RNASEH2B: variants seen among roughly 807,000 people sequenced by gnomAD.
The protein encoded by RNASEH2B is ribonuclease H2 subunit B, also known as Aicardi-Goutieres syndrome 2 protein.
Under a neutral mutation model 45.0 loss-of-function variants are expected in RNASEH2B, and 36 were observed. The observed-to-expected ratio is 0.80, with a 90% confidence interval of 0.61 to 1.06. The LOEUF is 1.06. Ranked by LOEUF, RNASEH2B falls within the 50% of genes least tolerant of loss-of-function variation. The pLI is 0.00. For synonymous variants in RNASEH2B, 119 were observed against 125.7 expected (o/e 0.95, Z 0.35); for missense variants, 361 against 360.3 (o/e 1.00, Z -0.02).
downstream of RNASEH2B, among the ~76,000 whole-genome samples, chr13:50,958,782 G>A (rs1952081223): frequency 6.6e-6 from 1 of 152,012 alleles, no homozygotes; most frequent in African/African-American, 2.4e-5. Context: ...TGGACATTTG[G>A]ATTATTCACA....
intron 1 of RNASEH2B, chr13:50,912,686 C>G (rs1879494391): frequency 6.6e-6 from 1 of 152,166 alleles, no homozygotes; most frequent in African/African-American, 2.4e-5. Flanking sequence ...AAGCTGGGCC[C>G]TTAATAAAGA....
At chr13:50,946,550 G>A (rs1428277420) in intron 7 of RNASEH2B, among the ~76,000 whole-genome samples, 1 of 152,170 alleles carries the variant, frequency 6.6e-6, no homozygotes. Flanking sequence ...TGGATAGATA[G>A]GTGGGTGGAT....
chr13:50,910,268 G>C (rs920686105), intron 1 of RNASEH2B, 128 bp downstream of exon 1: 38 of 578,278 alleles, frequency 6.6e-5, no homozygotes, highest in Non-Finnish European at 1.0e-4. Flanking sequence ...GATTCTCTCT[G>C]GGACAGCTGG....
intron 1 of RNASEH2B, among the ~76,000 whole-genome samples, chr13:50,918,860 A>C (rs1951481938): frequency 6.6e-6 from 1 of 152,212 alleles, no homozygotes; most frequent in Non-Finnish European, 1.5e-5. Flanking sequence ...GAACCTATTT[A>C]GGACATCGTA....
intron 5 of RNASEH2B, chr13:50,941,265 A>T (rs1212769198): frequency 6.6e-6 from 1 of 152,196 alleles, no homozygotes; most frequent in African/African-American, 2.4e-5. Context: ...GTGAGAAAAA[A>T]ACCTCTCTTT....
chr13:50,929,986 C>T, intron 3 of RNASEH2B: 1 of 267,148 alleles, frequency 3.7e-6, no homozygotes, highest in Non-Finnish European at 7.3e-6. Flanking sequence ...AACAAAGTTT[C>T]TTTAAAATGC....
intron 2 of RNASEH2B, among the ~76,000 whole-genome samples, chr13:50,928,932 CTTTTTTTTTTTT>C (rs35147830): frequency 1.1e-5 from 1 of 87,878 alleles, no homozygotes; most frequent in Non-Finnish European, 2.2e-5. Context: ...TGCCTCCTCC[CTTTTTTTTTTTT>C]TTTTTTTTTT....
At chr13:50,928,746 A>G (rs757078850) in intron 2 of RNASEH2B, among the ~76,000 whole-genome samples, 14 of 152,174 alleles carry the variant, frequency 9.2e-5, no homozygotes, top group Non-Finnish European at 1.8e-4. Context: ...AGATGTGGAA[A>G]CAGCCACAGG....
chr13:50,958,214 A>G (rs1344814517), downstream of RNASEH2B, among the ~76,000 whole-genome samples: 1 of 152,178 alleles, frequency 6.6e-6, no homozygotes, highest in African/African-American at 2.4e-5. Context: ...TAGGATTTTT[A>G]TAGCTTGAGG....
At chr13:50,949,405 TTC>T (rs1951947360) in intron 8 of RNASEH2B, 56 bp from the exon 9 acceptor site, 6 of 1,533,578 alleles carry the variant, frequency 3.9e-6, no homozygotes, top group Middle Eastern at 1.7e-4. Flanking sequence ...GGCCCTGTCT[TTC>T]TGTTTGTTTG....
intron 7 of RNASEH2B, 40 bp from the exon 8 acceptor site, chr13:50,947,945 ATT>A (rs752082343): frequency 2.2e-4 from 275 of 1,259,256 alleles, no homozygotes; most frequent in Middle Eastern, 6.5e-4. Flanking sequence ...CATAATTACT[ATT>A]TTTTTTTTTT....
intron 9 of RNASEH2B, chr13:50,950,617 C>A (rs1216346491): frequency 6.6e-6 from 1 of 152,156 alleles, no homozygotes; most frequent in African/African-American, 2.4e-5. Context: ...AGTTGTCTTG[C>A]TGAAACTAAG....
chr13:50,914,525 G>A (rs1018828248), intron 1 of RNASEH2B, among the ~76,000 whole-genome samples: 2 of 152,186 alleles, frequency 1.3e-5, no homozygotes, highest in South Asian at 2.1e-4. Context: ...AGCATAGAGC[G>A]TGTTTAACAT....
chr13:50,925,570 T>C (rs533902593), intron 1 of RNASEH2B, among the ~76,000 whole-genome samples: 1 of 152,322 alleles, frequency 6.6e-6, no homozygotes, highest in African/African-American at 2.4e-5. Context: ...GGCTGACTCT[T>C]CCCTACTACT....
intron 1 of RNASEH2B, among the ~76,000 whole-genome samples, chr13:50,920,598 T>G (rs918637068): frequency 1.3e-5 from 2 of 152,224 alleles, no homozygotes; most frequent in African/African-American, 4.8e-5. Context: ...GAAAATACTT[T>G]TTTAGCCAGC....
intron 5 of RNASEH2B, chr13:50,937,251 T>C (rs914421291): frequency 1.3e-5 from 2 of 152,224 alleles, no homozygotes; most frequent in Non-Finnish European, 2.9e-5. Flanking sequence ...AGACAAGGTC[T>C]TGCTCTGTTG....
chr13:50,938,308 T>G (rs1951784753), intron 5 of RNASEH2B: 1 of 152,244 alleles, frequency 6.6e-6, no homozygotes, highest in African/African-American at 2.4e-5. Flanking sequence ...GTTTGTGGAT[T>G]GGAAGACTCA....
chr13:50,927,149 A>G, intron 1 of RNASEH2B: 1 of 405,244 alleles, frequency 2.5e-6, no homozygotes, highest in East Asian at 5.5e-5. Flanking sequence ...CTAAGCCAAG[A>G]TTATCACCCA....
At chr13:50,957,736 C>T (rs1952069675), downstream of RNASEH2B, among the ~76,000 whole-genome samples, 1 of 152,102 alleles carries the variant, frequency 6.6e-6, no homozygotes, top group Admixed American at 6.6e-5. Context: ...CAAAAGTGTT[C>T]CCTTTTCTCT....
Sources: gnomAD v4.1 joint callset for allele counts (sites outside exome capture counted in the v4.1 genomes callset) on GRCh38, gnomAD v4.1.1 for gene constraint, MANE v1.5 for transcripts, NCBI Gene and HGNC (gene_info 2026-07-23, HGNC 2026-07-21) for gene names.